The following EPB41L5 variants were observed in gnomAD, a reference collection of about 807,000 sequenced individuals.
The protein encoded by EPB41L5 is erythrocyte membrane protein band 4.1 like 5, also known as band 4.1-like protein 5.
EPB41L5 carries 55 observed loss-of-function variants against 106.6 expected under a neutral mutation model. That is an observed-to-expected ratio of 0.52 (90% CI 0.42 to 0.65). The LOEUF (loss-of-function observed/expected upper bound fraction) is 0.65. Among genes scored for constraint, EPB41L5 ranks in the 30% least tolerant of loss-of-function variants. EPB41L5 has a pLI of 0.00. For missense variants in EPB41L5, 871 were observed against 882.1 expected (o/e 0.99, Z 0.16); for synonymous variants, 297 against 306.7 (o/e 0.97, Z 0.33).
chr2:120,118,879 A>G (rs1685077399), intron 16 of EPB41L5, among the ~76,000 whole-genome samples: 1 of 152,204 alleles, frequency 6.6e-6, no homozygotes, highest in Non-Finnish European at 1.5e-5. Context: ...GTCAAATGGT[A>G]TTTCTGCCTC....
chr2:120,104,214 G>A (rs1684318963), intron 16 of EPB41L5: 1 of 1,535,644 alleles, frequency 6.5e-7, no homozygotes, highest in Non-Finnish European at 8.7e-7. Flanking sequence ...TCATTTTCCT[G>A]GCCATACAGC....
intron 16 of EPB41L5, among the ~76,000 whole-genome samples, chr2:120,120,791 C>G (rs1685182719): frequency 6.6e-6 from 1 of 152,120 alleles, no homozygotes; most frequent in Non-Finnish European, 1.5e-5. Context: ...AGAGACTGTT[C>G]CAGCTTTTTC....
At position 120,100,593 on chromosome 2, in the gene EPB41L5, A is replaced by G. The variant is rs905508792; in HGVS notation, c.1222-106A>G. Reference sequence around the variant, plus strand: ...GTATATAAAATTCAAGCATTTGTATACATTTTAATTGTTGGCTTTGTAAAT... The same window carrying G: ...GTATATAAAATTCAAGCATTTGTATGCATTTTAATTGTTGGCTTTGTAAAT... On this transcript the variant is annotated intron_variant, in intron 15 of 24. Transcript: ENST00000263713. The G allele has an allele frequency of 5.0e-6, 4 of 805,140 alleles. No individual in the cohort carries two copies. In the Admixed American group the frequency reaches 6.2e-5, roughly 12 times the overall value. The allele number at this position is 805,140 out of a possible 1,614,324, so 49.9% of individuals were successfully genotyped here.
At chr2:120,139,695 T>C (rs987058535) in intron 18 of EPB41L5, among the ~76,000 whole-genome samples, 3 of 152,120 alleles carry the variant, frequency 2.0e-5, no homozygotes, top group African/African-American at 7.2e-5. Context: ...CTGACGAGGA[T>C]GTGGAGAGAA....
intron 5 of EPB41L5, among the ~76,000 whole-genome samples, chr2:120,074,804 A>G (rs1252247184): frequency 1.3e-5 from 2 of 152,186 alleles, no homozygotes; most frequent in South Asian, 2.1e-4. Context: ...GATAGTAGCT[A>G]TCATCTGTAG....
At chr2:120,167,363 CCCT>C in intron 22 of EPB41L5, 100 bp from the exon 23 acceptor site, 2 of 949,096 alleles carry the variant, frequency 2.1e-6, no homozygotes, top group Non-Finnish European at 3.3e-6. Flanking sequence ...TTAAGAATTG[CCCT>C]CCTAGAATGG....
intron 21 of EPB41L5, among the ~76,000 whole-genome samples, chr2:120,161,529 G>A (rs1377595225): frequency 6.6e-6 from 1 of 152,300 alleles, no homozygotes; most frequent in Non-Finnish European, 1.5e-5. Flanking sequence ...TGTTGGCTAT[G>A]CTTTCACTCA....
chr2:120,043,154 C>T (rs1679526364), intron 3 of EPB41L5, among the ~76,000 whole-genome samples: 1 of 151,838 alleles, frequency 6.6e-6, no homozygotes, highest in Non-Finnish European at 1.5e-5. Context: ...CATCATGCCT[C>T]CAAATTAAGT....
intron 16 of EPB41L5, among the ~76,000 whole-genome samples, chr2:120,111,722 T>G (rs1212219853): frequency 6.6e-6 from 1 of 152,132 alleles, no homozygotes; most frequent in Non-Finnish European, 1.5e-5. Flanking sequence ...TTGCCCTTGC[T>G]CCTCTACTGT....
intron 2 of EPB41L5, among the ~76,000 whole-genome samples, chr2:120,021,385 C>A (rs952597671): frequency 3.3e-5 from 5 of 151,736 alleles, no homozygotes; most frequent in Non-Finnish European, 7.4e-5. Flanking sequence ...TGGCTCACGC[C>A]GGTAATCGCA....
chr2:120,153,750 CTT>C (rs1377450708), intron 20 of EPB41L5, among the ~76,000 whole-genome samples: 2 of 152,078 alleles, frequency 1.3e-5, no homozygotes, highest in Admixed American at 6.5e-5. Flanking sequence ...TAATGTGTCT[CTT>C]TGTCTTTTGT....
rs926729034 is a variant in EPB41L5, at chr2:120,142,693, G to A, written c.1600-310G>A. On this transcript the variant is annotated intron_variant, in intron 18 of 24. Coordinates refer to ENST00000263713, the MANE Select transcript of EPB41L5 (RefSeq NM_020909.4). ...GCTCTGCCAGTTGTAGCATGAAAGCGGCACAGAGGAATGAATATGGCTGAA... is the reference window on the plus strand; with the variant it reads ...GCTCTGCCAGTTGTAGCATGAAAGCAGCACAGAGGAATGAATATGGCTGAA... Among the ~76,000 whole-genome samples the A allele has an allele frequency of 3.3e-5, 5 of 152,160 alleles. No homozygotes were observed. The South Asian group carries it at 8.3e-4, about 25-fold the overall frequency.
intron 1 of EPB41L5, among the ~76,000 whole-genome samples, chr2:120,017,904 C>T (rs1677635106): frequency 6.6e-6 from 1 of 152,066 alleles, no homozygotes; most frequent in Non-Finnish European, 1.5e-5. Flanking sequence ...TCACGCCATT[C>T]TCCTGCCTCA....
intron 3 of EPB41L5, among the ~76,000 whole-genome samples, chr2:120,067,263 A>C (rs1034253803): frequency 2.0e-5 from 3 of 152,226 alleles, no homozygotes; most frequent in Admixed American, 6.5e-5. Flanking sequence ...AGTGAATTGC[A>C]CTTTTGGATC....
chr2:120,149,094 T>G (rs570258461), intron 20 of EPB41L5, among the ~76,000 whole-genome samples: 4 of 152,328 alleles, frequency 2.6e-5, no homozygotes, highest in Non-Finnish European at 4.4e-5. Flanking sequence ...TGTGGTTTGA[T>G]TTGCATTTAC....
intron 16 of EPB41L5, among the ~76,000 whole-genome samples, chr2:120,124,392 C>T (rs572306693): frequency 6.6e-6 from 1 of 152,258 alleles, no homozygotes; most frequent in South Asian, 2.1e-4. Flanking sequence ...AAACTTCAGA[C>T]CTACAGAAAA....
At chr2:120,057,232 TAATG>T (rs1248157239) in intron 3 of EPB41L5, among the ~76,000 whole-genome samples, 1 of 152,142 alleles carries the variant, frequency 6.6e-6, no homozygotes, top group Admixed American at 6.5e-5. Context: ...AAGGGGTACT[TAATG>T]AATGAGGGAT....
intron 3 of EPB41L5, among the ~76,000 whole-genome samples, chr2:120,072,450 A>C (rs1291924738): frequency 6.6e-6 from 1 of 152,224 alleles, no homozygotes; most frequent in East Asian, 1.9e-4. Flanking sequence ...AAAGGATTAT[A>C]AGTCATTCTA....
intron 3 of EPB41L5, among the ~76,000 whole-genome samples, chr2:120,061,030 A>ATTTTTTTTTTTTT (rs1487982867): frequency 1.6e-5 from 1 of 63,102 alleles, no homozygotes; most frequent in Non-Finnish European, 3.5e-5. Context: ...GGTTCAGGGA[A>ATTTTTTTTTTTTT]GTTTTTTTTT....
Sources: gnomAD v4.1 joint callset for allele counts (sites outside exome capture counted in the v4.1 genomes callset) on GRCh38, gnomAD v4.1.1 for gene constraint, MANE v1.5 for transcripts, NCBI Gene and HGNC (gene_info 2026-07-23, HGNC 2026-07-21) for gene names.